Variants in CELF4 observed in about 807,000 individuals in gnomAD.
CELF4 encodes the protein CUG-BP- and ETR-3-like factor 4.
A neutral mutation model predicts 59.9 loss-of-function variants in CELF4; 18 were observed. The observed-to-expected ratio is 0.30, with a 90% confidence interval of 0.21 to 0.45. CELF4 has a LOEUF of 0.45. Among genes scored for constraint, CELF4 ranks in the 20% least tolerant of loss-of-function variants. CELF4 has a pLI of 1.00. For missense variants in CELF4, 456 were observed against 689.0 expected (o/e 0.66, Z 3.79); for synonymous variants, 261 against 267.1 (o/e 0.98, Z 0.22).
intron 2 of CELF4, among the ~76,000 whole-genome samples, chr18:37,354,632 C>T (rs1387573447): frequency 2.0e-5 from 3 of 152,150 alleles, no homozygotes; most frequent in Non-Finnish European, 4.4e-5. Flanking sequence ...TGGGGTGGTG[C>T]CACGTTGGCT....
At chr18:37,293,661 G>A (rs571832459) in intron 3 of CELF4, among the ~76,000 whole-genome samples, 1 of 152,266 alleles carries the variant, frequency 6.6e-6, no homozygotes, top group Non-Finnish European at 1.5e-5. Context: ...GGAAGGAAGG[G>A]ACAGGCCAAG....
intron 2 of CELF4, among the ~76,000 whole-genome samples, chr18:37,454,877 A>G (rs980099370): frequency 1.3e-5 from 2 of 152,232 alleles, no homozygotes; most frequent in African/African-American, 2.4e-5. Flanking sequence ...CCTAATGAGG[A>G]GAGCAGCCAT....
chr18:37,461,545 C>T (rs151034185), intron 2 of CELF4, among the ~76,000 whole-genome samples: 158 of 152,288 alleles, frequency 1.0e-3, no homozygotes, highest in East Asian at 7.1e-3. Flanking sequence ...CCTCCCACAA[C>T]GGGTGGGGAT....
At chr18:37,507,692 G>GGGC (rs1237697409) in intron 1 of CELF4, among the ~76,000 whole-genome samples, 2 of 152,164 alleles carry the variant, frequency 1.3e-5, no homozygotes, top group Non-Finnish European at 2.9e-5. Flanking sequence ...GGTTTATACT[G>GGGC]GGCTGCTTGT....
At chr18:37,386,123 T>G (rs1460350248) in intron 2 of CELF4, among the ~76,000 whole-genome samples, 1 of 152,272 alleles carries the variant, frequency 6.6e-6, no homozygotes, top group Non-Finnish European at 1.5e-5. Flanking sequence ...CTCACTCTTC[T>G]GCCACCTTAA....
chr18:37,370,598 C>T (rs2098847190), intron 2 of CELF4, among the ~76,000 whole-genome samples: 1 of 152,184 alleles, frequency 6.6e-6, no homozygotes, highest in Non-Finnish European at 1.5e-5. Context: ...CCTTGCACAG[C>T]AATGAAAAGT....
At chr18:37,284,351 T>C (rs977420977) in intron 3 of CELF4, among the ~76,000 whole-genome samples, 1 of 151,424 alleles carries the variant, frequency 6.6e-6, no homozygotes, top group African/African-American at 2.4e-5. Context: ...CCCACCCTGA[T>C]CTAAGCACCT....
chr18:37,392,160 A>G (rs535041532), intron 2 of CELF4, among the ~76,000 whole-genome samples: 1 of 152,320 alleles, frequency 6.6e-6, no homozygotes, highest in South Asian at 2.1e-4. Flanking sequence ...GGAGAAAGAA[A>G]GGTTTTCCCC....
chr18:37,366,057 T>C (rs146163851), intron 2 of CELF4, among the ~76,000 whole-genome samples: 296 of 152,272 alleles, frequency 1.9e-3, no homozygotes, highest in African/African-American at 6.5e-3. Context: ...AGACTGACCA[T>C]GGAATACAGC....
At chr18:37,535,383 A>G (rs1265447461) in intron 1 of CELF4, among the ~76,000 whole-genome samples, 1 of 152,192 alleles carries the variant, frequency 6.6e-6, no homozygotes, top group Admixed American at 6.5e-5. Flanking sequence ...CAAATTCTGA[A>G]GACAATTGCT....
intron 2 of CELF4, among the ~76,000 whole-genome samples, chr18:37,471,568 C>A (rs926448766): frequency 3.3e-5 from 5 of 152,112 alleles, no homozygotes; most frequent in Admixed American, 1.3e-4. Context: ...TAGATCCTGC[C>A]GATCTTGCCC....
At chr18:37,526,763 C>T (rs9964129) in intron 1 of CELF4, among the ~76,000 whole-genome samples, 63,960 of 152,042 alleles carry the variant, frequency 0.42, 15,008 homozygotes, top group East Asian at 0.77. Flanking sequence ...TTTCTGGGAA[C>T]TTCTGGGAAC....
chr18:37,348,756 A>C (rs989953139), intron 2 of CELF4, among the ~76,000 whole-genome samples: 1 of 151,556 alleles, frequency 6.6e-6, no homozygotes, highest in Non-Finnish European at 1.5e-5. Context: ...ACTTTCTCAC[A>C]CCTCCTTTCC....
chr18:37,546,392 A>G (rs1041284754), intron 1 of CELF4, among the ~76,000 whole-genome samples: 26 of 151,184 alleles, frequency 1.7e-4, no homozygotes, highest in Admixed American at 7.9e-4. Flanking sequence ...ATGTATGCGC[A>G]CACACACACA....
At chr18:37,351,388 C>T (rs1018513729) in intron 2 of CELF4, among the ~76,000 whole-genome samples, 5 of 152,130 alleles carry the variant, frequency 3.3e-5, no homozygotes, top group Non-Finnish European at 5.9e-5. Context: ...TCTCCTCCTG[C>T]GTGCCTGTTC....
At chr18:37,525,652 G>A (rs2154604850) in intron 1 of CELF4, among the ~76,000 whole-genome samples, 1 of 152,224 alleles carries the variant, frequency 6.6e-6, no homozygotes, top group Admixed American at 6.5e-5. Flanking sequence ...AGGGTTCCTT[G>A]GTGACTGGCT....
At chr18:37,545,653 C>T (rs1054351325) in intron 1 of CELF4, among the ~76,000 whole-genome samples, 9 of 152,250 alleles carry the variant, frequency 5.9e-5, no homozygotes, top group African/African-American at 2.2e-4. Context: ...GTCTGAGCAC[C>T]ATCTGCTCAA....
intron 2 of CELF4, among the ~76,000 whole-genome samples, chr18:37,415,527 G>GT (rs555691971): frequency 6.6e-6 from 1 of 152,158 alleles, no homozygotes; most frequent in Admixed American, 6.5e-5. Flanking sequence ...TTGAACTCAG[G>GT]TTTTTTTCCC....
At chr18:37,438,524 C>T (rs1411133748) in intron 2 of CELF4, among the ~76,000 whole-genome samples, 2 of 152,276 alleles carry the variant, frequency 1.3e-5, no homozygotes, top group Admixed American at 6.5e-5. Context: ...CAATGTCGTG[C>T]ACCCTACCAT....
Sources: allele counts gnomAD v4.1 joint callset (sites outside exome capture counted in the v4.1 genomes callset), GRCh38; gene constraint gnomAD v4.1.1; transcripts MANE v1.5; gene names NCBI Gene and HGNC (gene_info 2026-07-23, HGNC 2026-07-21).